AKAP7: variants seen among roughly 807,000 people sequenced by gnomAD.
The protein encoded by AKAP7 is A-kinase anchoring protein 7, also known as A kinase (PRKA) anchor protein 7.
A neutral mutation model predicts 39.5 loss-of-function variants in AKAP7; 39 were observed. The ratio of observed to expected loss-of-function variants is 0.99; its 90% CI spans 0.76 to 1.29. The LOEUF is 1.29. Ranked by LOEUF, AKAP7 falls within the 50% of genes most tolerant of loss-of-function variation. The pLI, the probability that AKAP7 is intolerant of heterozygous loss-of-function variation, is 0.00. For synonymous variants in AKAP7, 140 were observed against 139.1 expected (o/e 1.01, Z -0.05); for missense variants, 414 against 407.7 (o/e 1.02, Z -0.13).
chr6:131,139,253 G>T (rs1234813665), intron 1 of AKAP7, among the ~76,000 whole-genome samples: 1 of 152,146 alleles, frequency 6.6e-6, no homozygotes, highest in African/African-American at 2.4e-5. Context: ...AGACTTATTT[G>T]AAAGTGGCAC....
At chr6:131,167,079 T>G (rs1178030251) in intron 4 of AKAP7, among the ~76,000 whole-genome samples, 1 of 152,174 alleles carries the variant, frequency 6.6e-6, no homozygotes, top group Non-Finnish European at 1.5e-5. Context: ...CTTACAAATG[T>G]CCTGTCTTAG....
At chr6:131,241,637 A>ATATATATATATATGTGTGTGTGTG (rs1554217972) in intron 7 of AKAP7, among the ~76,000 whole-genome samples, 4 of 78,842 alleles carry the variant, frequency 5.1e-5, no homozygotes, top group South Asian at 3.5e-4. Flanking sequence ...GTATATATAT[A>ATATATATATATATGTGTGTGTGTG]TGACAGTTAT....
At chr6:131,231,175 T>TG (rs1360040604) in intron 7 of AKAP7, among the ~76,000 whole-genome samples, 1 of 152,154 alleles carries the variant, frequency 6.6e-6, no homozygotes, top group East Asian at 1.9e-4. Context: ...AACTCTCTAA[T>TG]TTTTTCCCCT....
intron 3 of AKAP7, among the ~76,000 whole-genome samples, chr6:131,164,799 A>G (rs1803318325): frequency 6.6e-6 from 1 of 152,202 alleles, no homozygotes; most frequent in Admixed American, 6.5e-5. Flanking sequence ...AGGTTTTTCC[A>G]GTCAGATAGC....
At chr6:131,257,946 A>C (rs955799420) in intron 7 of AKAP7, among the ~76,000 whole-genome samples, 4 of 152,142 alleles carry the variant, frequency 2.6e-5, no homozygotes, top group Non-Finnish European at 5.9e-5. Flanking sequence ...TGCCAAGCTG[A>C]CTTCTAAGGT....
chr6:131,237,421 A>C (rs1250572693), intron 7 of AKAP7, among the ~76,000 whole-genome samples: 1 of 152,198 alleles, frequency 6.6e-6, no homozygotes, highest in Admixed American at 6.5e-5. Context: ...CTGGCCTCAT[A>C]AAATGAGTTA....
In AKAP7 at chr6:131,282,652, TTA is replaced by T. The variant is rs1469160055; in HGVS notation, c.*928_*929del. The stretch of plus-strand genomic sequence containing the variant: ...ACATAGCTTATGAAATCTTTTCAGC[TTA>T]TTAAGTAGCTCTTTGGTAAACACCA... On this transcript the variant is annotated 3_prime_UTR_variant, in exon 8 of 8. Coordinates refer to ENST00000431975, the MANE Select transcript of AKAP7 (RefSeq NM_016377.4). The T allele has an allele frequency of 6.9e-7, 1 of 1,449,494 alleles. No homozygotes were observed. Among genetic ancestry groups the T allele is most frequent in the Non-Finnish European group, 9.3e-7 (1 of 1,075,816 alleles). 89.8% of individuals were successfully genotyped at this position (1,449,494 alleles called of 1,614,324 possible).
intron 7 of AKAP7, among the ~76,000 whole-genome samples, chr6:131,233,041 T>C (rs954622248): frequency 5.3e-5 from 8 of 151,958 alleles, no homozygotes; most frequent in Non-Finnish European, 1.2e-4. Flanking sequence ...TATATAACTT[T>C]TGCATACAAT....
intron 1 of AKAP7, chr6:131,136,839 A>G: frequency 2.0e-6 from 2 of 985,268 alleles, no homozygotes; most frequent in Non-Finnish European, 2.4e-6. Context: ...ACATTTACTA[A>G]CGTGTAAGAT....
At chr6:131,179,983 C>T (rs188058559) in intron 5 of AKAP7, among the ~76,000 whole-genome samples, 94 of 152,304 alleles carry the variant, frequency 6.2e-4, no homozygotes, top group African/African-American at 2.1e-3. Flanking sequence ...GTTGGCTCTC[C>T]TGCAAATGTA....
At chr6:131,151,141 C>T (rs1165542146) in intron 2 of AKAP7, among the ~76,000 whole-genome samples, 3 of 151,896 alleles carry the variant, frequency 2.0e-5, no homozygotes. Flanking sequence ...CTCCTGGGTT[C>T]AAGCAATTCT....
chr6:131,186,789 AG>A (rs768467131), intron 5 of AKAP7, among the ~76,000 whole-genome samples: 2 of 148,346 alleles, frequency 1.3e-5, no homozygotes, highest in Non-Finnish European at 3.1e-5. Flanking sequence ...TTTTAAGGAC[AG>A]TAATCCCATT....
the AKAP7 span, among the ~76,000 whole-genome samples, chr6:131,126,048 A>G: frequency 6.6e-6 from 1 of 152,228 alleles, no homozygotes; most frequent in African/African-American, 2.4e-5. Context: ...TCTGTCTGCC[A>G]TGAAGGTGTC....
Position 131,281,970 on chromosome 6 carries a change from C to A in AKAP7, c.*244C>A. The A allele has an allele frequency of 8.3e-7, 1 of 1,198,560 alleles. No homozygotes were observed. The highest frequency in any genetic ancestry group is 1.0e-6 in the Non-Finnish European group (1 of 967,808). The allele number at this position is 1,198,560 out of a possible 1,614,324, so 74.2% of individuals were successfully genotyped here. On this transcript the variant is annotated 3_prime_UTR_variant, in exon 8 of 8. Coordinates refer to ENST00000431975, the MANE Select transcript of AKAP7 (RefSeq NM_016377.4). The surrounding 1 kb of genome is among the most constrained non-coding windows in gnomAD (Gnocchi z 4.0). ...AAGAATGGCCCAAGTTTCATTCGCC[C>A]TCAGCCACGCACAAGGGAAAGGGAA... is the stretch of plus-strand genomic sequence containing the variant.
chr6:131,221,400 G>A lies in AKAP7; in HGVS notation c.850+1592G>A, dbSNP rs144405021. ...GAGAAGCTGTCTCCATAACATAAAAGTGCACGGTGAAGCAGAACGTGCTGA... is the reference window on the plus strand; with the variant it reads ...GAGAAGCTGTCTCCATAACATAAAAATGCACGGTGAAGCAGAACGTGCTGA... On this transcript the variant is annotated intron_variant, in intron 7 of 7. Transcript: ENST00000431975. Among the ~76,000 whole-genome samples, 802 of 152,342 alleles carry A rather than the reference G, an allele frequency of 5.3e-3. 9 individuals are homozygous for A. The highest frequency in any genetic ancestry group is 0.018 in the African/African-American group (761 of 41,572).
chr6:131,176,977 G>C (rs541242386), intron 5 of AKAP7, among the ~76,000 whole-genome samples: 2 of 152,198 alleles, frequency 1.3e-5, no homozygotes, highest in South Asian at 4.2e-4. Context: ...CACCATTGAG[G>C]CCATTAGAGC....
chr6:131,226,885 A>T (rs1285929843), intron 7 of AKAP7, among the ~76,000 whole-genome samples: 1 of 152,196 alleles, frequency 6.6e-6, no homozygotes. Flanking sequence ...AACATTAATG[A>T]ATGTTACTGA....
intron 7 of AKAP7, among the ~76,000 whole-genome samples, chr6:131,221,353 G>C (rs1046276100): frequency 6.6e-6 from 1 of 152,212 alleles, no homozygotes; most frequent in Non-Finnish European, 1.5e-5. Flanking sequence ...ACCAGCAGAG[G>C]CTGGTTCATG....
intron 7 of AKAP7, among the ~76,000 whole-genome samples, chr6:131,241,625 G>GTATA (rs1372694997): frequency 6.1e-5 from 4 of 65,282 alleles, no homozygotes; most frequent in Admixed American, 1.7e-4. Flanking sequence ...GTGTGTGTGT[G>GTATA]TGTATATATA....
Sources: allele counts gnomAD v4.1 joint callset (sites outside exome capture counted in the v4.1 genomes callset), GRCh38; gene constraint gnomAD v4.1.1; non-coding constraint Gnocchi (gnomAD v3.1); transcripts MANE v1.5; gene names NCBI Gene and HGNC (gene_info 2026-07-23, HGNC 2026-07-21).